SLC14A2: variants seen among roughly 807,000 people sequenced by gnomAD.
The protein encoded by SLC14A2 is solute carrier family 14 member 2, also known as urea transporter 2.
SLC14A2 carries 91 observed loss-of-function variants against 104.6 expected under a neutral mutation model. The observed-to-expected ratio is 0.87, with a 90% CI of 0.73 to 1.04. SLC14A2 has a LOEUF of 1.04. Among genes scored for constraint, SLC14A2 ranks in the 50% least tolerant of loss-of-function variants. The pLI is 0.00. For missense variants in SLC14A2, 1,189 were observed against 1,156.0 expected (o/e 1.03, Z -0.41); for synonymous variants, 476 against 466.4 (o/e 1.02, Z -0.27).
At chr18:45,552,725 G>A (rs758756891) in intron 2 of SLC14A2, among the ~76,000 whole-genome samples, 28 of 152,326 alleles carry the variant, frequency 1.8e-4, no homozygotes, top group Non-Finnish European at 3.2e-4. Flanking sequence ...TGAAGACATA[G>A]AACAGGTGTG....
chr18:45,600,307 C>T (rs1264780171), intron 2 of SLC14A2, among the ~76,000 whole-genome samples: 1 of 152,100 alleles, frequency 6.6e-6, no homozygotes, highest in Non-Finnish European at 1.5e-5. Context: ...AAGACCATCA[C>T]GGGAACCCAG....
intron 1 of SLC14A2, among the ~76,000 whole-genome samples, chr18:45,618,316 C>A (rs1965666627): frequency 1.3e-5 from 2 of 152,234 alleles, no homozygotes; most frequent in South Asian, 2.1e-4. Flanking sequence ...TTCTGGAGAA[C>A]CTGCTAATCA....
At chr18:45,171,806 G>A in the SLC14A2 span, among the ~76,000 whole-genome samples, 2 of 151,066 alleles carry the variant, frequency 1.3e-5, no homozygotes, top group Non-Finnish European at 3.0e-5. Context: ...TGAAAGCTAA[G>A]TAGTGAAATT....
chr18:45,417,736 A>G lies in SLC14A2; in HGVS notation c.-124-65497A>G, dbSNP rs140570881. ...TTTATCATCGTTATTGTTGATAATA[A>G]TTGTCATTGCCTTAAGTGTGACCTC... On this transcript the variant is annotated intron_variant, in intron 1 of 20. Transcript: ENST00000586448. 3.4e-3 allele frequency among the ~76,000 whole-genome samples: 514 copies of G among 152,324 alleles called. 8 individuals are homozygous for G. The highest frequency in any genetic ancestry group is 0.011 in the African/African-American group (475 of 41,582).
intron 2 of SLC14A2, among the ~76,000 whole-genome samples, chr18:45,578,221 A>G (rs1416733376): frequency 6.6e-6 from 1 of 152,136 alleles, no homozygotes; most frequent in African/African-American, 2.4e-5. Flanking sequence ...CACCCTCTCT[A>G]CAACACCTTT....
chr18:45,589,996 G>A (rs767077028), intron 2 of SLC14A2, among the ~76,000 whole-genome samples: 51 of 152,154 alleles, frequency 3.4e-4, no homozygotes, highest in Admixed American at 8.5e-4. Context: ...TGAGGTGGTC[G>A]CCATCATTCC....
At chr18:45,535,088 C>T (rs1010586770) in intron 2 of SLC14A2, among the ~76,000 whole-genome samples, 1 of 151,980 alleles carries the variant, frequency 6.6e-6, no homozygotes, top group African/African-American at 2.4e-5. Context: ...AAGAGGCAAC[C>T]AAAAAGCTCT....
intron 2 of SLC14A2, among the ~76,000 whole-genome samples, chr18:45,532,492 G>GATCT (rs1555701598): frequency 2.5e-5 from 3 of 120,654 alleles, no homozygotes; most frequent in South Asian, 2.7e-4. Flanking sequence ...TCATGATTTG[G>GATCT]CTGTTTGTCT....
intron 1 of SLC14A2, among the ~76,000 whole-genome samples, chr18:45,446,395 C>T (rs1460475491): frequency 6.6e-6 from 1 of 152,188 alleles, no homozygotes; most frequent in Non-Finnish European, 1.5e-5. Flanking sequence ...AGAGCTCTCT[C>T]TTTCCACCAC....
intron 2 of SLC14A2, among the ~76,000 whole-genome samples, chr18:45,501,826 G>GA (rs1568245226): frequency 6.6e-6 from 1 of 152,190 alleles, no homozygotes; most frequent in African/African-American, 2.4e-5. Context: ...CCGCTCTGGG[G>GA]AAAAAATCAC....
At chr18:45,553,876 G>A (rs1032622311) in intron 2 of SLC14A2, among the ~76,000 whole-genome samples, 3 of 152,046 alleles carry the variant, frequency 2.0e-5, no homozygotes, top group Non-Finnish European at 4.4e-5. Context: ...CCTATAACAC[G>A]CTCAATAAGA....
chr18:45,239,008 G>C (rs1051067683), intron 1 of SLC14A2, among the ~76,000 whole-genome samples: 3 of 152,154 alleles, frequency 2.0e-5, no homozygotes, highest in African/African-American at 7.2e-5. Context: ...TCTTTAATAA[G>C]TGTATATAAG....
At chr18:45,201,608 G>T in the SLC14A2 span, among the ~76,000 whole-genome samples, 1 of 151,822 alleles carries the variant, frequency 6.6e-6, no homozygotes, top group Admixed American at 6.6e-5. Context: ...GGGATTGAAA[G>T]GTTCTCTATG....
intron 1 of SLC14A2, among the ~76,000 whole-genome samples, chr18:45,273,487 G>A (rs759569640): frequency 6.6e-6 from 1 of 152,114 alleles, no homozygotes; most frequent in Non-Finnish European, 1.5e-5. Context: ...CAGGAGAAAA[G>A]CGTTGTCCTA....
At chr18:45,389,774 C>T (rs1030836310) in intron 1 of SLC14A2, among the ~76,000 whole-genome samples, 1 of 152,122 alleles carries the variant, frequency 6.6e-6, no homozygotes, top group Admixed American at 6.5e-5. Context: ...TCCTCTTGTC[C>T]CACACTCACC....
chr18:45,285,640 A>G (rs2084805635), intron 1 of SLC14A2, among the ~76,000 whole-genome samples: 1 of 141,388 alleles, frequency 7.1e-6, no homozygotes, highest in Non-Finnish European at 1.5e-5. Flanking sequence ...CTGGTCTCGA[A>G]CTCCTGACCT....
At chr18:45,667,520 T>C (rs1409742816) in intron 13 of SLC14A2, among the ~76,000 whole-genome samples, 1 of 152,190 alleles carries the variant, frequency 6.6e-6, no homozygotes, top group Non-Finnish European at 1.5e-5. Context: ...ATGCCCTCTA[T>C]GCAGCAAGAA....
intron 1 of SLC14A2, chr18:45,424,072 A>T (rs1377054325): frequency 6.6e-6 from 1 of 152,228 alleles, no homozygotes; most frequent in East Asian, 1.9e-4. Flanking sequence ...GAGGTCCCTG[A>T]GATGGGCAGA....
At chr18:45,556,200 C>A (rs140396430) in intron 2 of SLC14A2, among the ~76,000 whole-genome samples, 1,531 of 152,242 alleles carry the variant, frequency 0.01, 24 homozygotes, top group South Asian at 0.033. Context: ...TGCTTTCCTT[C>A]GTTACTGAAT....
Sources: gnomAD v4.1 joint callset for allele counts (sites outside exome capture counted in the v4.1 genomes callset) on GRCh38, gnomAD v4.1.1 for gene constraint, MANE v1.5 for transcripts, NCBI Gene and HGNC (gene_info 2026-07-23, HGNC 2026-07-21) for gene names.